The following SDC3 variants were observed in gnomAD, a reference collection of about 807,000 sequenced individuals.
SDC3 encodes syndecan 3, also known as syndecan-3.
Under a neutral mutation model 24.4 loss-of-function variants are expected in SDC3, and 13 were observed. The observed-to-expected ratio is 0.53, with a 90% CI of 0.35 to 0.85. The LOEUF is 0.85. Ranked by LOEUF, SDC3 falls within the 40% of genes least tolerant of loss-of-function variation. The pLI is 0.01. For missense variants in SDC3, 571 were observed against 584.5 expected (o/e 0.98, Z 0.24); for synonymous variants, 295 against 260.9 (o/e 1.13, Z -1.26).
At chr1:30,900,581 T>C (rs1638395005) in intron 1 of SDC3, among the ~76,000 whole-genome samples, 1 of 151,808 alleles carries the variant, frequency 6.6e-6, no homozygotes, top group Admixed American at 6.6e-5. Context: ...AAAACAACAG[T>C]CCACCTCCCC....
intron 1 of SDC3, among the ~76,000 whole-genome samples, chr1:30,908,125 C>A (rs1638565081): frequency 6.6e-6 from 1 of 151,980 alleles, no homozygotes; most frequent in Admixed American, 6.5e-5. Context: ...GGGCTGAGGA[C>A]CCGCGATCGG....
chr1:30,894,557 GGTGA>G (rs1185215094), intron 1 of SDC3, among the ~76,000 whole-genome samples: 2 of 143,616 alleles, frequency 1.4e-5, no homozygotes, highest in African/African-American at 2.7e-5. Flanking sequence ...AGTGTGTGTG[GGTGA>G]GAGTGTGTGG....
intron 1 of SDC3, among the ~76,000 whole-genome samples, chr1:30,899,581 A>G (rs1198578265): frequency 6.6e-6 from 1 of 152,148 alleles, no homozygotes; most frequent in Non-Finnish European, 1.5e-5. Flanking sequence ...CATCTTGGCC[A>G]GGTGGGTCTT....
chr1:30,890,785 C>T (rs189875515), intron 1 of SDC3, among the ~76,000 whole-genome samples: 26 of 152,284 alleles, frequency 1.7e-4, no homozygotes, highest in Admixed American at 1.1e-3. Context: ...CCTGACAACA[C>T]GCTTGTCTTG....
chr1:30,903,661 G>A (rs1218349623), intron 1 of SDC3, among the ~76,000 whole-genome samples: 1 of 152,070 alleles, frequency 6.6e-6, no homozygotes, highest in East Asian at 1.9e-4. Context: ...GAAAAGATAT[G>A]GGACCAACCC....
At position 30,870,122 on chromosome 1, in the gene SDC3, TG is replaced by T. The variant is rs1639506758; in HGVS notation, c.*3088del. 5.1e-6 allele frequency: 2 copies of T among 389,352 alleles called. No homozygotes were observed. The highest frequency in any genetic ancestry group is 9.1e-6 in the Non-Finnish European group (2 of 220,798). 24.1% of individuals were successfully genotyped at this position (389,352 alleles called of 1,614,324 possible). On this transcript the variant is annotated 3_prime_UTR_variant, in exon 5 of 5. Transcript: ENST00000339394. ...CTCCTACCCCATGAGGCAGAGGGTC[TG>T]CTCCCTGTGTCCAGGGGCCCCCACC...
chr1:30,885,461 A>C (rs796363674), intron 1 of SDC3, among the ~76,000 whole-genome samples: 16 of 152,332 alleles, frequency 1.1e-4, no homozygotes, highest in African/African-American at 3.4e-4. Context: ...CGATAAACCC[A>C]TAGCACTTTT....
chr1:30,892,902 G>T (rs1331174994), intron 1 of SDC3, among the ~76,000 whole-genome samples: 1 of 152,078 alleles, frequency 6.6e-6, no homozygotes, highest in African/African-American at 2.4e-5. Context: ...AGTCTCAGCT[G>T]ATTCATCCTC....
intron 1 of SDC3, among the ~76,000 whole-genome samples, chr1:30,887,387 G>C (rs146923341): frequency 2.6e-5 from 4 of 152,152 alleles, no homozygotes; most frequent in African/African-American, 9.6e-5. Context: ...CGCCTCACTG[G>C]GCCTCGCTCT....
At chr1:30,886,464 G>T (rs1639831162) in intron 1 of SDC3, among the ~76,000 whole-genome samples, 1 of 152,098 alleles carries the variant, frequency 6.6e-6, no homozygotes, top group Admixed American at 6.5e-5. Context: ...AAGGGAGAAG[G>T]CCCACCAACC....
intron 1 of SDC3, chr1:30,880,665 C>T (rs898327564): frequency 1.3e-5 from 2 of 152,022 alleles, no homozygotes; most frequent in African/African-American, 2.4e-5. Context: ...GGCGCTGGGA[C>T]TCATGAGGCC....
rs367611944 is a variant in SDC3 at position 30,873,349 on chromosome 1, G to C, written c.1191C>G (p.Ala397=). The change falls in exon 5 of 5, where the codon GCC becomes GCG. Residue 397 remains alanine, a synonymous_variant. Transcript: ENST00000339394. ...VAVIVGGVVG[A]LFAAFLVTLL... ...GTGTGACCAAGAAGGCAGCAAAGAG[G>C]GCGCCCACCACCCCGCCCACAATCA... The C allele has an allele frequency of 6.8e-6, 11 of 1,613,862 alleles. No homozygotes were observed. Among genetic ancestry groups the C allele is most frequent in the Non-Finnish European group, 9.3e-6 (11 of 1,179,816 alleles).
intron 2 of SDC3, 178 bp from the exon 3 acceptor site, chr1:30,877,343 G>GCTGATGTTCCCCAA: frequency 2.4e-6 from 2 of 823,202 alleles, no homozygotes; most frequent in Non-Finnish European, 3.8e-6. Context: ...GTGGTCAGTT[G>GCTGATGTTCCCCAA]CTGATGTTCC....
chr1:30,890,573 CT>C (rs774618577), intron 1 of SDC3, among the ~76,000 whole-genome samples: 2 of 152,128 alleles, frequency 1.3e-5, no homozygotes, highest in Non-Finnish European at 2.9e-5. Flanking sequence ...TTAGTGATGG[CT>C]TTACAACTAT....
intron 3 of SDC3, among the ~76,000 whole-genome samples, chr1:30,876,014 T>C (rs1639630442): frequency 6.6e-6 from 1 of 152,178 alleles, no homozygotes; most frequent in African/African-American, 2.4e-5. Flanking sequence ...CCCATGATAA[T>C]AACAACCGTG....
rs1210550982 is a variant in SDC3 at position 30,908,668 on chromosome 1, G to GGCGGC, written c.-87_-83dup. Reference sequence around the variant, plus strand: ...GCGGCGCGCGGGGCGGCTGCTTGGCGGCGGCGCGGCCCGGCGGCTGGACCG... The same window carrying GGCGGC: ...GCGGCGCGCGGGGCGGCTGCTTGGCGGCGGCGCGGCGCGGCCCGGCGGCTGGACCG... On this transcript the variant is annotated 5_prime_UTR_variant, in exon 1 of 5. Coordinates refer to ENST00000339394, the MANE Select transcript of SDC3 (RefSeq NM_014654.4). 4.1e-6 allele frequency: 2 copies of GGCGGC among 493,648 alleles called. No individual in the cohort carries two copies. Among genetic ancestry groups the GGCGGC allele is most frequent in the African/African-American group, 4.2e-5 (2 of 47,186 alleles). 30.6% of individuals were successfully genotyped at this position (493,648 alleles called of 1,614,324 possible). A position where few individuals can be genotyped will look rare whatever the true frequency, so the allele number is the denominator to read the frequency against.
intron 1 of SDC3, among the ~76,000 whole-genome samples, chr1:30,893,057 T>G (rs1384920648): frequency 2.0e-5 from 3 of 152,140 alleles, no homozygotes; most frequent in Admixed American, 6.5e-5. Context: ...AAACGCCCTC[T>G]TTCCACCATT....
chr1:30,908,409 C>A, intron 1 of SDC3, 40 bp downstream of exon 1: 1 of 1,007,552 alleles, frequency 9.9e-7, no homozygotes, highest in Admixed American at 6.1e-5. Context: ...GGGGGCGGCC[C>A]CGGGGAGCCG....
rs777139667 is a variant in SDC3 at position 30,877,176 on chromosome 1, G to C, written c.257-11C>G. The C allele has an allele frequency of 1.2e-6, 2 of 1,613,560 alleles. No homozygotes were observed. The highest frequency in any genetic ancestry group is 1.3e-5 in the African/African-American group (1 of 74,914). On this transcript the variant is annotated splice_polypyrimidine_tract_variant and intron_variant, in intron 2 of 4. Transcript: ENST00000339394. The stretch of plus-strand genomic sequence containing the variant: ...ACTCCTGCTCGAAGTCTGAGGGGGT[G>C]GGGGAGAGGGAGAGAGCTAGGGAGC...
Sources: allele counts gnomAD v4.1 joint callset (sites outside exome capture counted in the v4.1 genomes callset), GRCh38; gene constraint gnomAD v4.1.1; transcripts MANE v1.5; gene names NCBI Gene and HGNC (gene_info 2026-07-23, HGNC 2026-07-21).